TMC1: variants seen among roughly 807,000 people sequenced by gnomAD.
TMC1 encodes transmembrane channel-like protein 1.
TMC1 carries 84 observed loss-of-function variants against 105.8 expected under a neutral mutation model. The observed-to-expected ratio is 0.79, with a 90% CI of 0.67 to 0.95. The LOEUF is 0.95. Ranked by LOEUF, TMC1 falls within the 40% of genes least tolerant of loss-of-function variation. The probability of loss-of-function intolerance (pLI) is 0.00; values close to 1 mark genes in which losing one functional copy is unlikely to be tolerated. For missense variants in TMC1, 817 were observed against 914.1 expected (o/e 0.89, Z 1.37); for synonymous variants, 315 against 311.5 (o/e 1.01, Z -0.12).
rs139647392 is a variant in TMC1 at position 72,594,672 on chromosome 9, T to A, written c.-306+16649T>A. 2.6e-5 allele frequency among the ~76,000 whole-genome samples: 4 copies of A among 152,328 alleles called. No individual in the cohort carries two copies. In the East Asian group the frequency reaches 7.7e-4, roughly 29 times the overall value. On this transcript the variant is annotated intron_variant, in intron 2 of 23. Transcript: ENST00000297784. Reference sequence around the variant, plus strand: ...CAAACTTTGACTATGTCCCACAATTTATGTGACTGATTTCATATTCTATCA... The same window carrying A: ...CAAACTTTGACTATGTCCCACAATTAATGTGACTGATTTCATATTCTATCA...
At chr9:72,551,892 C>T (rs935095893) in intron 1 of TMC1, among the ~76,000 whole-genome samples, 10 of 151,938 alleles carry the variant, frequency 6.6e-5, no homozygotes, top group African/African-American at 1.9e-4. Context: ...GTTTACAAGC[C>T]AAGGAATGTC....
chr9:72,715,791 T>G (rs1444444602), intron 8 of TMC1, among the ~76,000 whole-genome samples: 1 of 152,130 alleles, frequency 6.6e-6, no homozygotes, highest in African/African-American at 2.4e-5. Context: ...TCCATCCAGT[T>G]TTGTTCGCTT....
At chr9:72,717,051 C>G (rs967622646) in intron 8 of TMC1, among the ~76,000 whole-genome samples, 1 of 152,188 alleles carries the variant, frequency 6.6e-6, no homozygotes, top group Non-Finnish European at 1.5e-5. Flanking sequence ...GGTGAGGCAA[C>G]GCCCCACCCT....
At chr9:72,833,606 G>A (rs559997279) in intron 23 of TMC1, among the ~76,000 whole-genome samples, 1 of 152,154 alleles carries the variant, frequency 6.6e-6, no homozygotes, top group Middle Eastern at 3.4e-3. Context: ...AGTAAGAAAG[G>A]GTATGTGAGA....
At chr9:72,799,030 T>C (rs553029352) in intron 17 of TMC1, among the ~76,000 whole-genome samples, 5 of 152,260 alleles carry the variant, frequency 3.3e-5, no homozygotes, top group African/African-American at 1.2e-4. Context: ...ATGTTTCATA[T>C]GGCTTTCTAT....
chr9:72,570,230 A>AGTGTGTGTGTGTGTGTGTGTGTGT (rs3223165), intron 1 of TMC1, among the ~76,000 whole-genome samples: 1 of 145,600 alleles, frequency 6.9e-6, no homozygotes, highest in African/African-American at 2.5e-5. Flanking sequence ...CTCAAAGAGT[A>AGTGTGTGTGTGTGTGTGTGTGTGT]GTGTGTGTGT....
In TMC1 at chr9:72,792,262, A is replaced by C; in HGVS notation, c.1476A>C (p.Ala492=). 1 of 1,614,174 alleles carries C rather than the reference A, an allele frequency of 6.2e-7. No homozygotes were observed. The highest frequency in any genetic ancestry group is 8.5e-7 in the Non-Finnish European group (1 of 1,180,022). Residue 492 remains alanine (A), a synonymous_variant, in exon 17 of 24, where the codon GCA becomes GCC. Coordinates refer to ENST00000297784, the MANE Select transcript of TMC1 (RefSeq NM_138691.3). ...CCAATATGATCAAGGCCTACAATGCATCATTCTCTGAAAATAGCACTGGAC... is the reference window on the plus strand; with the variant it reads ...CCAATATGATCAAGGCCTACAATGCCTCATTCTCTGAAAATAGCACTGGAC... ...WEANMIKAYN[A]SFSENSTGPP...
intron 5 of TMC1, among the ~76,000 whole-genome samples, chr9:72,675,005 A>T (rs938597392): frequency 1.3e-5 from 2 of 152,326 alleles, no homozygotes; most frequent in African/African-American, 4.8e-5. Flanking sequence ...TTACTGTAAG[A>T]TCCTTAAGAA....
chr9:72,548,601 A>G (rs1385108219), intron 1 of TMC1, among the ~76,000 whole-genome samples: 1 of 151,768 alleles, frequency 6.6e-6, no homozygotes, highest in African/African-American at 2.4e-5. Flanking sequence ...AGTAACTGCA[A>G]TTGTTTAGAA....
At chr9:72,589,443 A>G (rs1824601324) in intron 2 of TMC1, among the ~76,000 whole-genome samples, 2 of 152,056 alleles carry the variant, frequency 1.3e-5, no homozygotes. Flanking sequence ...ATCACCACCA[A>G]TTTTTTCTAT....
chr9:72,761,976 C>A (rs974602633), intron 12 of TMC1, among the ~76,000 whole-genome samples: 37 of 151,982 alleles, frequency 2.4e-4, no homozygotes, highest in African/African-American at 8.7e-4. Flanking sequence ...GTGTAGACAT[C>A]AAAATTATGT....
chr9:72,613,336 G>C (rs1387745578), intron 2 of TMC1, among the ~76,000 whole-genome samples: 1 of 151,984 alleles, frequency 6.6e-6, no homozygotes, highest in Non-Finnish European at 1.5e-5. Context: ...ATGTTGGCCA[G>C]GCTGGTCTTC....
chr9:72,692,605 G>C (rs188072558), intron 6 of TMC1, among the ~76,000 whole-genome samples: 21 of 152,182 alleles, frequency 1.4e-4, no homozygotes, highest in Admixed American at 1.2e-3. Context: ...GTAGCTGCTT[G>C]GGTTTGTGAG....
At chr9:72,549,570 G>A (rs957720867) in intron 1 of TMC1, among the ~76,000 whole-genome samples, 1 of 150,466 alleles carries the variant, frequency 6.6e-6, no homozygotes, top group Non-Finnish European at 1.5e-5. Context: ...AGCCTCCTGA[G>A]TAGCTAGGAT....
At chr9:72,733,437 A>G (rs1827247477) in intron 8 of TMC1, among the ~76,000 whole-genome samples, 1 of 152,010 alleles carries the variant, frequency 6.6e-6, no homozygotes, top group Non-Finnish European at 1.5e-5. Flanking sequence ...ATGGGGTAAC[A>G]GTCTGAGGGG....
At chr9:72,716,847 C>G (rs1418225344) in intron 8 of TMC1, among the ~76,000 whole-genome samples, 5 of 152,200 alleles carry the variant, frequency 3.3e-5, no homozygotes, top group Non-Finnish European at 7.3e-5. Context: ...TGTGTCTGCC[C>G]AAACGGCAGC....
rs17058153 is a variant in TMC1, at chr9:72,792,243, T to C, written c.1457T>C (p.Met486Thr). 0.023 allele frequency: 36,525 copies of C among 1,614,168 alleles called. 623 individuals are homozygous for C. Among genetic ancestry groups the C allele is most frequent in the South Asian group, 0.061 (5,599 of 91,084 alleles). ...AATATTACCCTTTGGGAAGCCAATATGATCAAGGCCTACAATGCATCATTC... is the reference window on the plus strand; with the variant it reads ...AATATTACCCTTTGGGAAGCCAATACGATCAAGGCCTACAATGCATCATTC... ...KANITLWEAN[M>T]IKAYNASFSE... is the part of the protein sequence containing the mutation. The change falls in exon 17 of 24, where the codon ATG becomes ACG. Residue 486 changes from methionine to threonine, a missense_variant. Met to Thr is a moderately conservative substitution (Grantham distance 81, BLOSUM62 -1). Coordinates refer to ENST00000297784, the MANE Select transcript of TMC1 (RefSeq NM_138691.3).
chr9:72,753,910 G>A (rs987131964), intron 11 of TMC1, among the ~76,000 whole-genome samples: 17 of 152,114 alleles, frequency 1.1e-4, no homozygotes, highest in African/African-American at 3.1e-4. Flanking sequence ...TATTCTGTTC[G>A]GACCAGGAAG....
chr9:72,789,113 A>G lies in TMC1; in HGVS notation c.1030-10A>G, dbSNP rs780945081. 6.2e-7 allele frequency: 1 copy of G among 1,612,044 alleles called. No individual in the cohort carries two copies. The highest frequency in any genetic ancestry group is 1.1e-5 in the South Asian group (1 of 90,996). On this transcript the variant is annotated splice_polypyrimidine_tract_variant and intron_variant, in intron 14 of 23. Transcript: ENST00000297784. ...GGTTTTTGTTTGTTTGTTTGTTTTC[A>G]TGGATACAGGAAGCTATCACAGAAG...
Sources: allele counts gnomAD v4.1 joint callset (sites outside exome capture counted in the v4.1 genomes callset), GRCh38; gene constraint gnomAD v4.1.1; transcripts MANE v1.5; gene names NCBI Gene and HGNC (gene_info 2026-07-23, HGNC 2026-07-21).